Variants in UPP2 observed in about 807,000 individuals in gnomAD.
UPP2 encodes UPase 2.
In UPP2, 23 loss-of-function variants were observed where a neutral mutation model predicts 26.7. The observed-to-expected ratio is 0.86, with a 90% CI of 0.62 to 1.22. The LOEUF is 1.22. Ranked by LOEUF, UPP2 falls within the 50% of genes most tolerant of loss-of-function variation. The pLI is 0.00. For missense variants in UPP2, 387 were observed against 396.7 expected (o/e 0.98, Z 0.21); for synonymous variants, 127 against 141.3 (o/e 0.90, Z 0.72).
At chr2:158,107,361 T>C (rs1683217080) in intron 2 of UPP2, among the ~76,000 whole-genome samples, 1 of 152,198 alleles carries the variant, frequency 6.6e-6, no homozygotes, top group Non-Finnish European at 1.5e-5. Context: ...GTTTAGCAGA[T>C]ATTAACTCTC....
In UPP2 at chr2:158,121,605, T is replaced by C. The variant is rs1432090218; in HGVS notation, c.651T>C (p.Tyr217=). ...PTLVGHTMCT[Y]DFYEGQGRLD... The stretch of plus-strand genomic sequence containing the variant: ...TCGTTGGACATACAATGTGTACCTA[T>C]GATTTTTATGAAGGTGAGAACAATT... The change falls in exon 5 of 7, where the codon TAT becomes TAC. Residue 217 remains tyrosine (Y), a synonymous_variant. Coordinates refer to ENST00000005756, the MANE Select transcript of UPP2 (RefSeq NM_173355.4). The C allele has an allele frequency of 2.5e-6, 4 of 1,612,810 alleles. No homozygotes were observed. The highest frequency in any genetic ancestry group is 2.2e-5 in the East Asian group (1 of 44,864).
At chr2:158,122,663 T>A (rs919778407) in intron 5 of UPP2, among the ~76,000 whole-genome samples, 2 of 152,204 alleles carry the variant, frequency 1.3e-5, no homozygotes, top group African/African-American at 4.8e-5. Flanking sequence ...GGAGATTTTA[T>A]ATTAACACCC....
At chr2:158,101,784 C>G (rs1336913086), upstream of UPP2, 1 of 1,136,242 alleles carries the variant, frequency 8.8e-7, no homozygotes, top group Non-Finnish European at 1.1e-6. Flanking sequence ...GGATGCCACA[C>G]CTTCAAAGGG....
At chr2:158,099,439 G>A (rs950483541), upstream of UPP2, among the ~76,000 whole-genome samples, 2 of 152,106 alleles carry the variant, frequency 1.3e-5, no homozygotes, top group Admixed American at 1.3e-4. Context: ...AAAGAAGGAG[G>A]AGATGTGAGG....
At chr2:158,086,406 T>C (rs981097782) in intron 3 of UPP2, among the ~76,000 whole-genome samples, 3 of 152,086 alleles carry the variant, frequency 2.0e-5, no homozygotes, top group South Asian at 2.1e-4. Flanking sequence ...ATCTCACTAG[T>C]GATCTATCAA....
intron 3 of UPP2, among the ~76,000 whole-genome samples, chr2:158,070,005 C>A (rs535411983): frequency 2.0e-5 from 3 of 152,094 alleles, no homozygotes; most frequent in Non-Finnish European, 2.9e-5. Flanking sequence ...AATCACCCCC[C>A]AAAGGCCTCA....
chr2:158,034,138 G>A (rs1287586569), intron 3 of UPP2, among the ~76,000 whole-genome samples: 1 of 151,738 alleles, frequency 6.6e-6, no homozygotes, highest in Non-Finnish European at 1.5e-5. Context: ...GAATCTAGGA[G>A]TTTGACCATG....
chr2:158,019,535 T>G (rs184235306), intron 3 of UPP2, among the ~76,000 whole-genome samples: 1 of 152,048 alleles, frequency 6.6e-6, no homozygotes, highest in African/African-American at 2.4e-5. Flanking sequence ...CAAACCATCA[T>G]ATTGCTTTAA....
chr2:158,081,339 A>G (rs1053886501), intron 3 of UPP2, among the ~76,000 whole-genome samples: 6 of 152,158 alleles, frequency 3.9e-5, no homozygotes, highest in African/African-American at 1.4e-4. Flanking sequence ...CTTGAGGACT[A>G]GGTCAGTTAA....
In UPP2 at chr2:158,068,803, T is replaced by TATATATATATA. The variant is rs1491232938; in HGVS notation, c.148-33237_148-33236insATATATATATA. ...ATATATATATATATATATATATATA[T>TATATATATATA]TTTTTTTTTTTTTTTTTTTTTTTTT... On this transcript the variant is annotated intron_variant, in intron 3 of 9. Transcript: ENST00000605860. Among the ~76,000 whole-genome samples the TATATATATATA allele has an allele frequency of 5.5e-3, 77 of 13,972 alleles. 2 individuals carry two copies. The highest frequency in any genetic ancestry group is 0.012 in the South Asian group (2 of 162). 9.2% of individuals were successfully genotyped at this position (13,972 alleles called of 152,430 possible). A position where few individuals can be genotyped will look rare whatever the true frequency, so the allele number is the denominator to read the frequency against.
intron 3 of UPP2, among the ~76,000 whole-genome samples, chr2:158,051,730 G>A (rs1236193695): frequency 2.0e-5 from 3 of 152,138 alleles, no homozygotes; most frequent in Middle Eastern, 3.4e-3. Flanking sequence ...GCAGTGAGCC[G>A]AGTTCATGCC....
At position 158,081,649 on chromosome 2, in the gene UPP2, A is replaced by G. The variant is rs181045082; in HGVS notation, c.148-20391A>G. On this transcript the variant is annotated intron_variant, in intron 3 of 9. Coordinates refer to the UPP2 transcript ENST00000605860. ...AATATTCAGCCATAAAAAGAATGAA[A>G]TCCTGTCATTTGCAACAACGTGGAT... 3.4e-3 allele frequency among the ~76,000 whole-genome samples: 524 copies of G among 152,268 alleles called. 1 individual carries two copies. The highest frequency in any genetic ancestry group is 0.01 in the Middle Eastern group (3 of 294).
intron 3 of UPP2, among the ~76,000 whole-genome samples, chr2:158,074,177 AAAAC>A (rs1682588845): frequency 1.3e-5 from 2 of 152,180 alleles, no homozygotes; most frequent in South Asian, 2.1e-4. Flanking sequence ...ACCCTGTCTC[AAAAC>A]AAACAAACAA....
chr2:158,131,604 CA>C (rs1339144546), intron 6 of UPP2, among the ~76,000 whole-genome samples: 4 of 152,162 alleles, frequency 2.6e-5, no homozygotes, highest in Non-Finnish European at 4.4e-5. Flanking sequence ...AGGGTGCATC[CA>C]AGCTCCATGT....
intron 3 of UPP2, among the ~76,000 whole-genome samples, chr2:158,040,040 C>T (rs1684063109): frequency 6.6e-6 from 1 of 152,194 alleles, no homozygotes; most frequent in Admixed American, 6.5e-5. Context: ...CTCCAGTAAC[C>T]AGAAGTGAAA....
intron 3 of UPP2, among the ~76,000 whole-genome samples, chr2:158,093,694 A>G (rs1682945258): frequency 6.6e-6 from 1 of 152,188 alleles, no homozygotes; most frequent in South Asian, 2.1e-4. Flanking sequence ...TAACAAAAGA[A>G]TTATAAGGCT....
At position 158,121,473 on chromosome 2, in the gene UPP2, T is replaced by C. The variant is rs974302888; in HGVS notation, c.519T>C (p.Phe173=). 1 of 1,613,442 alleles carries C rather than the reference T, an allele frequency of 6.2e-7. No homozygotes were observed. Among genetic ancestry groups the C allele is most frequent in the African/African-American group, 1.3e-5 (1 of 74,916 alleles). Residue 173 remains phenylalanine (F), a synonymous_variant, in exon 5 of 7, where the codon TTT becomes TTC. Transcript: ENST00000005756. ...TAGACTCCTTCTTTAAGCCCCGGTT[T>C]GAACAGGTCATTTTGGACAACATTG... is the stretch of plus-strand genomic sequence containing the variant. The part of the protein sequence containing the change: ...IAVDSFFKPR[F]EQVILDNIVT...
In UPP2 at chr2:158,136,129, A is replaced by G; in HGVS notation, c.*1239A>G. 1 of 152,146 alleles carries G rather than the reference A, an allele frequency of 6.6e-6. No individual in the cohort carries two copies. Among genetic ancestry groups the G allele is most frequent in the East Asian group, 1.9e-4 (1 of 5,182 alleles). 9.4% of individuals were successfully genotyped at this position (152,146 alleles called of 1,614,324 possible). A position where few individuals can be genotyped will look rare whatever the true frequency, so the allele number is the denominator to read the frequency against. On this transcript the variant is annotated 3_prime_UTR_variant, in exon 7 of 7. Coordinates refer to ENST00000005756, the MANE Select transcript of UPP2 (RefSeq NM_173355.4). ...CAATAAACAAGAGGTATTTATCATC[A>G]CCAATAAACAATCCCCCAAGAGGTA...
chr2:158,111,390 T>A (rs1683316407), intron 2 of UPP2, among the ~76,000 whole-genome samples: 1 of 152,188 alleles, frequency 6.6e-6, no homozygotes, highest in Admixed American at 6.5e-5. Context: ...TATTTTGATA[T>A]TAATATAGTC....
Sources: gnomAD v4.1 joint callset for allele counts (sites outside exome capture counted in the v4.1 genomes callset) on GRCh38, gnomAD v4.1.1 for gene constraint, MANE v1.5 for transcripts, NCBI Gene and HGNC (gene_info 2026-07-23, HGNC 2026-07-21) for gene names.